Variants in NSUN6 observed in about 807,000 individuals in gnomAD.
NSUN6 encodes NOP2/Sun RNA methyltransferase 6, also known as tRNA (cytosine(72)-C(5))-methyltransferase NSUN6.
In NSUN6, 64 loss-of-function variants were observed where a neutral mutation model predicts 58.0. That is an observed-to-expected ratio of 1.10 (90% CI 0.90 to 1.36). NSUN6 has a LOEUF of 1.36. Among genes scored for constraint, NSUN6 ranks in the 40% most tolerant of loss-of-function variants. The probability of loss-of-function intolerance (pLI) is 0.00; values close to 1 mark genes in which losing one functional copy is unlikely to be tolerated. For synonymous variants in NSUN6, 231 were observed against 193.9 expected (o/e 1.19, Z -1.59); for missense variants, 701 against 550.1 (o/e 1.27, Z -2.74).
At chr10:18,649,764 G>C (rs1421832413) in intron 1 of NSUN6, among the ~76,000 whole-genome samples, 1 of 152,124 alleles carries the variant, frequency 6.6e-6, no homozygotes, top group East Asian at 1.9e-4. Flanking sequence ...AAGACGTTTG[G>C]ATCTTCTTTA....
At chr10:18,638,029 T>C (rs2059273768) in intron 3 of NSUN6, among the ~76,000 whole-genome samples, 2 of 152,208 alleles carry the variant, frequency 1.3e-5, no homozygotes, top group Admixed American at 1.3e-4. Context: ...ATGATTACTT[T>C]TATATTTATG....
chr10:18,624,831 G>A (rs1237036301), intron 3 of NSUN6, among the ~76,000 whole-genome samples: 1 of 152,062 alleles, frequency 6.6e-6, no homozygotes, highest in Non-Finnish European at 1.5e-5. Flanking sequence ...TCCCAGCAGT[G>A]ACATAAAACC....
chr10:18,552,679 TCCATTCCATTCC>T (rs1032437716), intron 8 of NSUN6, among the ~76,000 whole-genome samples: 5 of 151,780 alleles, frequency 3.3e-5, no homozygotes, highest in East Asian at 1.9e-4. Context: ...TCCATTCCAT[TCCATTCCATTCC>T]CCATTCCATT....
chr10:18,628,830 GCAGGATATTATC>G (rs2058923805), intron 3 of NSUN6, among the ~76,000 whole-genome samples: 1 of 152,174 alleles, frequency 6.6e-6, no homozygotes, highest in Admixed American at 6.5e-5. Context: ...AAAACACTCT[GCAGGATATTATC>G]CAGGAGAACT....
intron 3 of NSUN6, among the ~76,000 whole-genome samples, chr10:18,622,037 GACACACAC>G (rs370576076): frequency 2.0e-5 from 3 of 148,352 alleles, no homozygotes; most frequent in African/African-American, 7.4e-5. Flanking sequence ...ATATACGAAT[GACACACAC>G]ACACACACAC....
At position 18,545,966 on chromosome 10, in the gene NSUN6, A is replaced by T; in HGVS notation, c.1377T>A (p.Phe459Leu). 1.9e-6 allele frequency: 3 copies of T among 1,581,870 alleles called. No individual in the cohort carries two copies. Among genetic ancestry groups the T allele is most frequent in the Non-Finnish European group, 1.7e-6 (2 of 1,170,014 alleles). The change falls in exon 11 of 11, where the codon TTT becomes TTA. Residue 459 changes from phenylalanine (F) to leucine (L), a missense_variant. Phe to Leu is a conservative substitution (Grantham distance 22, BLOSUM62 0). Coordinates refer to ENST00000377304, the MANE Select transcript of NSUN6 (RefSeq NM_182543.5). ...TTTTGCATTTTACAAATTTTGCAAT[A>T]AAAAAACCTATAGAGTCCTTATTAG... ...RLANKDSIGF[F>L]IAKFVKCKST
At chr10:18,615,790 T>A (rs997484764) in intron 4 of NSUN6, among the ~76,000 whole-genome samples, 15 of 152,192 alleles carry the variant, frequency 9.9e-5, no homozygotes, top group Admixed American at 8.5e-4. Context: ...ACTGGGTGAA[T>A]ACATTAAGAG....
At chr10:18,590,163 G>C (rs900320314) in intron 7 of NSUN6, among the ~76,000 whole-genome samples, 24 of 152,148 alleles carry the variant, frequency 1.6e-4, no homozygotes, top group African/African-American at 4.1e-4. Flanking sequence ...AGACAAAGAA[G>C]GGCATTACAT....
chr10:18,578,847 G>A (rs1025097839), intron 8 of NSUN6, among the ~76,000 whole-genome samples: 6 of 152,122 alleles, frequency 3.9e-5, no homozygotes, highest in Non-Finnish European at 8.8e-5. Context: ...ACTATGGGCT[G>A]CATTTCAGCG....
intron 3 of NSUN6, among the ~76,000 whole-genome samples, chr10:18,626,302 G>A (rs1391468602): frequency 6.6e-6 from 1 of 151,092 alleles, no homozygotes; most frequent in Non-Finnish European, 1.5e-5. Flanking sequence ...CACTTTGGGA[G>A]GCCGAGGAGG....
chr10:18,646,026 C>G (rs974748587), intron 2 of NSUN6, among the ~76,000 whole-genome samples: 10 of 152,074 alleles, frequency 6.6e-5, no homozygotes, highest in African/African-American at 2.4e-4. Flanking sequence ...GAAATCCCAT[C>G]TGTGCTAAGA....
intron 3 of NSUN6, among the ~76,000 whole-genome samples, chr10:18,618,598 C>T (rs1687297887): frequency 6.7e-6 from 1 of 150,090 alleles, no homozygotes; most frequent in African/African-American, 2.5e-5. Flanking sequence ...AGGAGAATCA[C>T]TTGAACCCAG....
chr10:18,645,438 A>T (rs2059518841), intron 2 of NSUN6, among the ~76,000 whole-genome samples: 1 of 152,208 alleles, frequency 6.6e-6, no homozygotes, highest in Non-Finnish European at 1.5e-5. Context: ...ATCTCTCATT[A>T]TATACATGCA....
intron 7 of NSUN6, among the ~76,000 whole-genome samples, chr10:18,591,371 T>C (rs1291921993): frequency 1.3e-5 from 2 of 152,160 alleles, no homozygotes; most frequent in African/African-American, 4.8e-5. Flanking sequence ...CCTCATTTTA[T>C]GAGGCCAGCA....
At chr10:18,640,811 A>C (rs1056518778) in intron 3 of NSUN6, among the ~76,000 whole-genome samples, 1 of 152,038 alleles carries the variant, frequency 6.6e-6, no homozygotes, top group Non-Finnish European at 1.5e-5. Context: ...ACTAAATAGA[A>C]TGAGCCTATA....
intron 8 of NSUN6, among the ~76,000 whole-genome samples, chr10:18,557,353 G>A (rs1172093812): frequency 5.3e-5 from 8 of 150,766 alleles, no homozygotes; most frequent in Admixed American, 1.3e-4. Flanking sequence ...TGGAATGGAG[G>A]ATGGTATGGA....
At chr10:18,547,318 A>T (rs2054334034) in intron 10 of NSUN6, among the ~76,000 whole-genome samples, 1 of 152,202 alleles carries the variant, frequency 6.6e-6, no homozygotes, top group Non-Finnish European at 1.5e-5. Flanking sequence ...CATCCCTTTT[A>T]GGTATATATT....
intron 8 of NSUN6, among the ~76,000 whole-genome samples, chr10:18,563,908 T>C (rs2055732553): frequency 6.6e-6 from 1 of 151,152 alleles, no homozygotes; most frequent in African/African-American, 2.4e-5. Flanking sequence ...TCCATTACAT[T>C]ACATTCTCCA....
intron 8 of NSUN6, among the ~76,000 whole-genome samples, chr10:18,565,576 T>C (rs2055865028): frequency 1.3e-5 from 2 of 151,310 alleles, no homozygotes; most frequent in African/African-American, 4.8e-5. Flanking sequence ...CCATTCTCCA[T>C]TCCATTCAGC....
Sources: gnomAD v4.1 joint callset for allele counts (sites outside exome capture counted in the v4.1 genomes callset) on GRCh38, gnomAD v4.1.1 for gene constraint, MANE v1.5 for transcripts, NCBI Gene and HGNC (gene_info 2026-07-23, HGNC 2026-07-21) for gene names.